The following PLCB1 variants were observed in gnomAD, a reference collection of about 807,000 sequenced individuals.
PLCB1 encodes the protein phospholipase C beta 1.
PLCB1 carries 46 observed loss-of-function variants against 161.8 expected under a neutral mutation model. That is an observed-to-expected ratio of 0.28 (90% CI 0.22 to 0.36). PLCB1 has a LOEUF of 0.36. Among genes scored for constraint, PLCB1 ranks in the 10% least tolerant of loss-of-function variants. PLCB1 has a pLI of 1.00. For synonymous variants in PLCB1, 517 were observed against 503.7 expected, an observed-to-expected ratio of 1.03 and a Z score of -0.35; for missense variants, 1,016 against 1,472.5, an observed-to-expected ratio of 0.69 and a Z score of 5.07.
intron 2 of PLCB1, among the ~76,000 whole-genome samples, chr20:8,263,951 A>G (rs1318692087): frequency 6.6e-6 from 1 of 152,140 alleles, no homozygotes; most frequent in Non-Finnish European, 1.5e-5. Context: ...TTATTTTAAT[A>G]AACTTTTCCC....
At chr20:8,231,733 G>C (rs1311883261) in intron 2 of PLCB1, among the ~76,000 whole-genome samples, 4 of 22 alleles carry the variant, frequency 0.18, no homozygotes, top group Non-Finnish European at 0.25. Context: ...GGAGAGCCCT[G>C]TGCAGGGCAG....
intron 31 of PLCB1, among the ~76,000 whole-genome samples, chr20:8,821,812 C>T (rs190400043): frequency 5.9e-5 from 9 of 151,992 alleles, no homozygotes; most frequent in Middle Eastern, 3.4e-3. Context: ...CACAGCCTGG[C>T]GCTGTATCCC....
intron 31 of PLCB1, among the ~76,000 whole-genome samples, chr20:8,800,439 TCA>T (rs10556991): frequency 0.27 from 40,149 of 151,092 alleles, 5,422 homozygotes; most frequent in Middle Eastern, 0.36. Context: ...TTTTAAAGAG[TCA>T]CACACACACA....
In PLCB1 at chr20:8,495,388, C is replaced by CTTTTT. The variant is rs869173548; in HGVS notation, c.246+123961_246+123965dup. ...TGTGGACTTTGCCTTACCTTCCTTT[C>CTTTTT]TTTTTTTTTTTTTTTTTTTTTTTTT... On this transcript the variant is annotated intron_variant, in intron 3 of 31. Coordinates refer to ENST00000338037, the MANE Select transcript of PLCB1 (RefSeq NM_015192.4). Among the ~76,000 whole-genome samples the CTTTTT allele has an allele frequency of 1.5e-3, 140 of 94,352 alleles. 7 individuals are homozygous for CTTTTT. Among genetic ancestry groups the CTTTTT allele is most frequent in the African/African-American group, 3.3e-3 (73 of 22,214 alleles). 61.9% of individuals were successfully genotyped at this position (94,352 alleles called of 152,430 possible).
At chr20:8,865,334 G>T (rs1987391097) in intron 31 of PLCB1, among the ~76,000 whole-genome samples, 1 of 152,016 alleles carries the variant, frequency 6.6e-6, no homozygotes, top group Non-Finnish European at 1.5e-5. Flanking sequence ...AACCAAAAAG[G>T]CCCCCAGAAA....
At chr20:8,379,115 C>T (rs554125102) in intron 3 of PLCB1, among the ~76,000 whole-genome samples, 1 of 152,172 alleles carries the variant, frequency 6.6e-6, no homozygotes, top group Admixed American at 6.5e-5. Context: ...CCCCACCCCC[C>T]AACAGGCCCT....
intron 3 of PLCB1, among the ~76,000 whole-genome samples, chr20:8,589,048 C>T (rs1205792021): frequency 6.6e-6 from 1 of 152,158 alleles, no homozygotes; most frequent in Non-Finnish European, 1.5e-5. Context: ...GGGGGAGAGA[C>T]TGCACTTCTA....
At chr20:8,314,100 C>A (rs1159375578) in intron 2 of PLCB1, among the ~76,000 whole-genome samples, 2 of 152,060 alleles carry the variant, frequency 1.3e-5, no homozygotes, top group Non-Finnish European at 2.9e-5. Context: ...TTGTCTCTGC[C>A]AACATTATCT....
chr20:8,606,956 C>T (rs1304546679), intron 3 of PLCB1, among the ~76,000 whole-genome samples: 3 of 152,138 alleles, frequency 2.0e-5, no homozygotes, highest in African/African-American at 7.2e-5. Flanking sequence ...TAAAAGTAGA[C>T]ACCAATAAGG....
chr20:8,880,700 C>T (rs1370463560), intron 31 of PLCB1, among the ~76,000 whole-genome samples: 1 of 152,088 alleles, frequency 6.6e-6, no homozygotes, highest in East Asian at 1.9e-4. Context: ...TTCTACTCAG[C>T]TTCTTAGCTT....
At chr20:8,577,298 C>T (rs904047707) in intron 3 of PLCB1, among the ~76,000 whole-genome samples, 7 of 150,654 alleles carry the variant, frequency 4.6e-5, no homozygotes, top group Admixed American at 1.3e-4. Context: ...ATTAGCTGGG[C>T]GTGGTGGCGG....
intron 3 of PLCB1, among the ~76,000 whole-genome samples, chr20:8,554,817 T>C (rs1985897170): frequency 1.3e-5 from 2 of 152,126 alleles, no homozygotes; most frequent in African/African-American, 2.4e-5. Context: ...ATAATATTAG[T>C]ATCACCTGTT....
chr20:8,459,905 A>G (rs1981499598), intron 3 of PLCB1, among the ~76,000 whole-genome samples: 1 of 152,236 alleles, frequency 6.6e-6, no homozygotes, highest in African/African-American at 2.4e-5. Flanking sequence ...ACTGTGTAAT[A>G]TATTTCCCCC....
At chr20:8,710,601 A>G (rs1220871872) in intron 12 of PLCB1, among the ~76,000 whole-genome samples, 1 of 134,836 alleles carries the variant, frequency 7.4e-6, no homozygotes, top group Non-Finnish European at 1.5e-5. Context: ...TGCAACCTCC[A>G]TCTCCCGAGT....
At chr20:8,836,251 C>CT (rs1409527469) in intron 31 of PLCB1, among the ~76,000 whole-genome samples, 2 of 152,190 alleles carry the variant, frequency 1.3e-5, no homozygotes, top group African/African-American at 4.8e-5. Context: ...AAGAAGTAGA[C>CT]TTTAAGTGTT....
intron 10 of PLCB1, among the ~76,000 whole-genome samples, chr20:8,687,124 CA>C (rs1025601335): frequency 2.7e-4 from 41 of 151,918 alleles, no homozygotes; most frequent in African/African-American, 8.0e-4. Flanking sequence ...CTCCTGGGCT[CA>C]AGCAATCCTC....
At chr20:8,864,995 T>C (rs1000566017) in intron 31 of PLCB1, among the ~76,000 whole-genome samples, 1 of 152,204 alleles carries the variant, frequency 6.6e-6, no homozygotes, top group Non-Finnish European at 1.5e-5. Context: ...CTTGTGAATC[T>C]AAGCAGAAGA....
intron 3 of PLCB1, among the ~76,000 whole-genome samples, chr20:8,476,002 G>T (rs1982260819): frequency 6.6e-6 from 1 of 152,152 alleles, no homozygotes; most frequent in South Asian, 2.1e-4. Flanking sequence ...CTGAGATTCT[G>T]CATTTCTAAC....
intron 11 of PLCB1, among the ~76,000 whole-genome samples, chr20:8,698,527 A>T (rs117893235): frequency 0.028 from 4,307 of 152,230 alleles, 90 homozygotes; most frequent in Non-Finnish European, 0.044. Context: ...CCATTCTGTG[A>T]TGCTATCTTT....
Sources: allele counts gnomAD v4.1 joint callset (sites outside exome capture counted in the v4.1 genomes callset), GRCh38; gene constraint gnomAD v4.1.1; transcripts MANE v1.5; gene names NCBI Gene and HGNC (gene_info 2026-07-23, HGNC 2026-07-21).